The following EPHA4 variants were observed in gnomAD, a reference collection of about 807,000 sequenced individuals.
The protein encoded by EPHA4 is EPH receptor A4.
A neutral mutation model predicts 108.3 loss-of-function variants in EPHA4; 19 were observed. The ratio of observed to expected loss-of-function variants is 0.18; its 90% CI spans 0.12 to 0.26. The LOEUF is 0.26. EPHA4 is among the 10% of genes least tolerant of loss of function. The pLI, the probability that EPHA4 is intolerant of heterozygous loss-of-function variation, is 1.00. For synonymous variants in EPHA4, 449 were observed against 455.5 expected (o/e 0.99, Z 0.18); for missense variants, 917 against 1,254.0 (o/e 0.73, Z 4.06).
rs34969368 is a variant in EPHA4, at chr2:221,571,255, TACACACAC to T, written c.91+895_91+902del. On this transcript the variant is annotated intron_variant, in intron 1 of 17. Transcript: ENST00000281821. The surrounding 1 kb of genome is among the most constrained non-coding windows in gnomAD (Gnocchi z 6.3). ...CAGACATGCACACACACACCACACA[TACACACAC>T]ACACACACACAGTTCGCCTCTCCCT... Among the ~76,000 whole-genome samples, 1 of 142,534 alleles carries T rather than the reference TACACACAC, an allele frequency of 7.0e-6. No homozygotes were observed. Among genetic ancestry groups the T allele is most frequent in the South Asian group, 2.2e-4 (1 of 4,512 alleles). 93.5% of individuals were successfully genotyped at this position (142,534 alleles called of 152,430 possible).
At chr2:221,508,382 C>T (rs904320883) in intron 3 of EPHA4, among the ~76,000 whole-genome samples, 1 of 151,986 alleles carries the variant, frequency 6.6e-6, no homozygotes, top group African/African-American at 2.4e-5. Flanking sequence ...AGCTTGAGAC[C>T]AGCCTCTCCA....
At chr2:221,524,845 A>C (rs1025288570) in intron 3 of EPHA4, among the ~76,000 whole-genome samples, 4 of 152,204 alleles carry the variant, frequency 2.6e-5, no homozygotes, top group Admixed American at 6.5e-5. Flanking sequence ...CTCATGAATT[A>C]AAATGGACAT....
chr2:221,434,450 G>C lies in EPHA4; in HGVS notation c.2347-159C>G, dbSNP rs115297323. On this transcript the variant is annotated intron_variant, in intron 13 of 17. Transcript: ENST00000281821. ...GTTCATTTTAACGCAAGTCTTCCAGGTTAACACAGTTCTCTTATGTTTTCT... is the reference window on the plus strand; with the variant it reads ...GTTCATTTTAACGCAAGTCTTCCAGCTTAACACAGTTCTCTTATGTTTTCT... Among the ~76,000 whole-genome samples, 870 of 152,302 alleles carry C rather than the reference G, an allele frequency of 5.7e-3. 8 individuals carry two copies. Among genetic ancestry groups the C allele is most frequent in the African/African-American group, 0.02 (822 of 41,558 alleles).
intron 3 of EPHA4, among the ~76,000 whole-genome samples, chr2:221,513,099 C>T (rs531714028): frequency 6.6e-6 from 1 of 152,268 alleles, no homozygotes; most frequent in Non-Finnish European, 1.5e-5. Context: ...CCAGAAGAAG[C>T]TAAAATAATA....
At chr2:221,542,574 A>G (rs1022050800) in intron 3 of EPHA4, among the ~76,000 whole-genome samples, 1 of 152,212 alleles carries the variant, frequency 6.6e-6, no homozygotes, top group Non-Finnish European at 1.5e-5. Context: ...GGCATTCTGT[A>G]AAATTGTAAG....
Position 221,558,352 on chromosome 2 carries a change from C to T in EPHA4, c.823+5379G>A, listed in dbSNP as rs556743068. Among the ~76,000 whole-genome samples the T allele has an allele frequency of 2.4e-4, 36 of 151,828 alleles. No individual in the cohort carries two copies. The South Asian group carries it at 3.7e-3, about 16-fold the overall frequency. On this transcript the variant is annotated intron_variant, in intron 3 of 17. Coordinates refer to ENST00000281821, the MANE Select transcript of EPHA4 (RefSeq NM_004438.5). ...GGGAATGGTAGACTTACAATTTTTA[C>T]TTTATGTAATTCTATATGAGAAATT... is the stretch of plus-strand genomic sequence containing the variant.
intron 3 of EPHA4, among the ~76,000 whole-genome samples, chr2:221,546,457 T>C (rs1049724221): frequency 2.0e-5 from 3 of 151,948 alleles, no homozygotes; most frequent in African/African-American, 7.2e-5. Flanking sequence ...TTTATTTTTA[T>C]CAGTTTTCTT....
Position 221,419,160 on chromosome 2 carries a change from G to A in EPHA4, c.*2212C>T, listed in dbSNP as rs1475039039. 6.6e-6 allele frequency: 1 copy of A among 152,596 alleles called. No homozygotes were observed. The highest frequency in any genetic ancestry group is 1.5e-5 in the Non-Finnish European group (1 of 68,040). 9.5% of individuals were successfully genotyped at this position (152,596 alleles called of 1,614,324 possible). On this transcript the variant is annotated 3_prime_UTR_variant, in exon 18 of 18. Transcript: ENST00000281821. ...GGCAGCCACTCAGATTATGAAAAATGGCAGTAAGTTGGCTGGAGTTTGGTA... is the reference window on the plus strand; with the variant it reads ...GGCAGCCACTCAGATTATGAAAAATAGCAGTAAGTTGGCTGGAGTTTGGTA...
chr2:221,535,112 C>T (rs893199950), intron 3 of EPHA4, among the ~76,000 whole-genome samples: 1 of 152,162 alleles, frequency 6.6e-6, no homozygotes, highest in Non-Finnish European at 1.5e-5. Flanking sequence ...AGCAAGGGAA[C>T]CTGGAAATCA....
At chr2:221,486,969 T>A (rs1320196917) in intron 4 of EPHA4, among the ~76,000 whole-genome samples, 1 of 152,118 alleles carries the variant, frequency 6.6e-6, no homozygotes. Flanking sequence ...ACTTTTCACA[T>A]ACAGATTCAT....
intron 5 of EPHA4, among the ~76,000 whole-genome samples, chr2:221,463,395 C>T (rs765468336): frequency 9.9e-5 from 15 of 152,106 alleles, no homozygotes; most frequent in East Asian, 3.9e-4. Flanking sequence ...AGAATGCTTT[C>T]GAAATAGAAT....
At chr2:221,515,002 A>G (rs1381495871) in intron 3 of EPHA4, among the ~76,000 whole-genome samples, 1 of 152,214 alleles carries the variant, frequency 6.6e-6, no homozygotes, top group Non-Finnish European at 1.5e-5. Flanking sequence ...ACTCATCCCA[A>G]GCAGATCTCT....
intron 4 of EPHA4, among the ~76,000 whole-genome samples, chr2:221,499,761 T>A (rs1456073544): frequency 5.5e-4 from 59 of 106,948 alleles, no homozygotes; most frequent in African/African-American, 2.5e-3. Flanking sequence ...TATATATTTT[T>A]TTTTTTTTTT....
chr2:221,551,028 T>G (rs991008897), intron 3 of EPHA4, among the ~76,000 whole-genome samples: 1 of 152,090 alleles, frequency 6.6e-6, no homozygotes, highest in Admixed American at 6.5e-5. Context: ...TCCATTAAAA[T>G]TGGTCATAAG....
At chr2:221,426,733 T>C in intron 15 of EPHA4, 114 bp from the exon 16 acceptor site, 1 of 931,254 alleles carries the variant, frequency 1.1e-6, no homozygotes, top group Non-Finnish European at 1.6e-6. Context: ...AGGGAAGGTT[T>C]TAAATGGAAC....
intron 3 of EPHA4, among the ~76,000 whole-genome samples, chr2:221,543,403 A>G (rs1316870136): frequency 6.6e-6 from 1 of 152,210 alleles, no homozygotes; most frequent in Non-Finnish European, 1.5e-5. Context: ...AAAGTCTGGA[A>G]GCATAAAAAG....
intron 3 of EPHA4, among the ~76,000 whole-genome samples, chr2:221,542,137 G>T (rs1290924541): frequency 2.6e-5 from 4 of 152,164 alleles, no homozygotes; most frequent in Admixed American, 2.0e-4. Context: ...AGGAGAGAAG[G>T]GAGAGGCAAA....
At position 221,563,633 on chromosome 2, in the gene EPHA4, G is replaced by T. The variant is rs978647395; in HGVS notation, c.823+98C>A. 6 of 1,405,100 alleles carry T rather than the reference G, an allele frequency of 4.3e-6. No homozygotes were observed. In the African/African-American group the frequency reaches 8.5e-5, roughly 20 times the overall value. 87.0% of individuals were successfully genotyped at this position (1,405,100 alleles called of 1,614,324 possible). On this transcript the variant is annotated intron_variant, in intron 3 of 17. Coordinates refer to ENST00000281821, the MANE Select transcript of EPHA4 (RefSeq NM_004438.5). ...CCCTGTGTCCCACCACATCCCACAG[G>T]GGCTACTAATTACTGGCTTTACTCC...
intron 4 of EPHA4, among the ~76,000 whole-genome samples, chr2:221,498,812 C>T (rs1386201499): frequency 5.9e-5 from 8 of 134,972 alleles, no homozygotes; most frequent in Non-Finnish European, 7.8e-5. Flanking sequence ...TTTTTTGAGA[C>T]GACAGAGTTT....
Sources: gnomAD v4.1 joint callset for allele counts (sites outside exome capture counted in the v4.1 genomes callset) on GRCh38, gnomAD v4.1.1 for gene constraint, Gnocchi (gnomAD v3.1) non-coding constraint, MANE v1.5 for transcripts, NCBI Gene and HGNC (gene_info 2026-07-23, HGNC 2026-07-21) for gene names.